Variants in ZSWIM9 observed in about 807,000 individuals in gnomAD.
ZSWIM9 encodes zinc finger SWIM-type containing 9, also known as uncharacterized protein ZSWIM9.
In ZSWIM9, 11 loss-of-function variants were observed where a neutral mutation model predicts 25.0. The observed-to-expected ratio is 0.44, with a 90% CI of 0.28 to 0.73. ZSWIM9 has a LOEUF of 0.73. ZSWIM9 is among the 30% of genes least tolerant of loss of function. The pLI is 0.16. For missense variants in ZSWIM9, 1,070 were observed against 1,296.5 expected (o/e 0.83, Z 2.68); for synonymous variants, 562 against 582.1 (o/e 0.97, Z 0.50).
chr19:48,191,628 A>G (rs2037095975), intron 3 of ZSWIM9, among the ~76,000 whole-genome samples: 1 of 152,186 alleles, frequency 6.6e-6, no homozygotes, highest in South Asian at 2.1e-4. Flanking sequence ...GTGTGAATGG[A>G]AAGTAGTAAA....
Position 48,196,415 on chromosome 19 carries a change from C to A in ZSWIM9, c.2351C>A (p.Ala784Glu). The stretch of plus-strand genomic sequence containing the variant: ...GAAGGCAGCCCAGAATGGGCAGCGG[C>A]GAGGAGTGAACACCTGGCTGCAGGT... ...VLEGSPEWAA[A>E]RSEHLAAGDG... The change falls in exon 4 of 4, where the codon GCG (alanine) becomes GAG (glutamate). Residue 784 changes from alanine (A) to glutamate (E), a missense_variant. This residue lies in a region of ZSWIM9 where 583 missense variants were observed against 624.7 expected (regional missense o/e 0.93). Transcript: ENST00000614654. 1 of 1,232,346 alleles carries A rather than the reference C, an allele frequency of 8.1e-7. No individual in the cohort carries two copies. Among genetic ancestry groups the A allele is most frequent in the Middle Eastern group, 3.1e-4 (1 of 3,212 alleles). 76.3% of individuals were successfully genotyped at this position (1,232,346 alleles called of 1,614,324 possible).
rs1454135359 is a variant in ZSWIM9, at chr19:48,197,133, G to C, written c.*306G>C. ...AGGGTCAGGCTGGGACAGAAGGAAGGAAAGGGGCAGAGCTGGGGGGAGGGG... is the reference window on the plus strand; with the variant it reads ...AGGGTCAGGCTGGGACAGAAGGAAGCAAAGGGGCAGAGCTGGGGGGAGGGG... On this transcript the variant is annotated 3_prime_UTR_variant, in exon 4 of 4. Coordinates refer to ENST00000614654, the MANE Select transcript of ZSWIM9 (RefSeq NM_199341.4). The C allele has an allele frequency of 1.5e-6, 1 of 678,718 alleles. No individual in the cohort carries two copies. Among genetic ancestry groups the C allele is most frequent in the African/African-American group, 1.8e-5 (1 of 56,118 alleles). The allele number at this position is 678,718 out of a possible 1,614,324, so 42.0% of individuals were successfully genotyped here.
At position 48,182,700 on chromosome 19, in the gene ZSWIM9, G is replaced by A. The variant is rs1245258232; in HGVS notation, c.521G>A (p.Arg174His). The change falls in exon 3 of 4, where the codon CGC becomes CAC. Residue 174 changes from arginine to histidine, a missense_variant. This residue lies in a region of ZSWIM9 where 265 missense variants were observed against 339.0 expected (regional missense o/e 0.78). Coordinates refer to ENST00000614654, the MANE Select transcript of ZSWIM9 (RefSeq NM_199341.4). This position sits in a 1 kb window ranked among gnomAD's most constrained non-coding sequence, Gnocchi z 4.6. ...CGCCTGCTGTCCTACTGCAAGGGCC[G>A]CGACCACGGCGTCCTGGACGCCCTG... The part of the protein sequence containing the change: ...VRRLLSYCKG[R>H]DHGVLDALHV... 2 of 1,535,532 alleles carry A rather than the reference G, an allele frequency of 1.3e-6. No homozygotes were observed. Among genetic ancestry groups the A allele is most frequent in the South Asian group, 1.2e-5 (1 of 83,998 alleles).
Position 48,197,049 on chromosome 19 carries a change from G to A in ZSWIM9, c.*222G>A. 1 of 549,640 alleles carries A rather than the reference G, an allele frequency of 1.8e-6. No homozygotes were observed. The highest frequency in any genetic ancestry group is 3.2e-6 in the Non-Finnish European group (1 of 312,744). 34.0% of individuals were successfully genotyped at this position (549,640 alleles called of 1,614,324 possible). On this transcript the variant is annotated 3_prime_UTR_variant, in exon 4 of 4. Coordinates refer to ENST00000614654, the MANE Select transcript of ZSWIM9 (RefSeq NM_199341.4). ...CCACAGCTTGGGAAGGTGTTGATGG[G>A]CAGGGTGGATTCTGAGGGCTTCCCT...
rs1451803660 is a variant in ZSWIM9, at chr19:48,182,854, C to A, written c.588+87C>A. 37 of 908,240 alleles carry A rather than the reference C, an allele frequency of 4.1e-5. No homozygotes were observed. In the East Asian group the frequency reaches 9.8e-4, roughly 24 times the overall value. 56.3% of individuals were successfully genotyped at this position (908,240 alleles called of 1,614,324 possible). ...TGGGTCATTCATGCCTTCATCCGCC[C>A]TCTCATCCCTTCACTCCTTTCCTCC... On this transcript the variant is annotated intron_variant, in intron 3 of 3. Coordinates refer to ENST00000614654, the MANE Select transcript of ZSWIM9 (RefSeq NM_199341.4). This position sits in a 1 kb window ranked among gnomAD's most constrained non-coding sequence, Gnocchi z 4.6.
At chr19:48,180,958 T>C (rs1428351340) in intron 2 of ZSWIM9, 1 of 144,734 alleles carries the variant, frequency 6.9e-6, no homozygotes, top group African/African-American at 2.7e-5. Flanking sequence ...TATATATATA[T>C]ATTTTTTTAG....
chr19:48,186,944 G>T (rs567317408), intron 3 of ZSWIM9, among the ~76,000 whole-genome samples: 1 of 152,144 alleles, frequency 6.6e-6, no homozygotes, highest in South Asian at 2.1e-4. Flanking sequence ...GGGGGTGGGG[G>T]AAGAGTAAGG....
At position 48,195,677 on chromosome 19, in the gene ZSWIM9, G is replaced by T. The variant is rs1297218097; in HGVS notation, c.1613G>T (p.Gly538Val). The T allele has an allele frequency of 1.4e-6, 2 of 1,444,558 alleles. No homozygotes were observed. Among genetic ancestry groups the T allele is most frequent in the Admixed American group, 2.7e-5 (1 of 36,536 alleles). The allele number at this position is 1,444,558 out of a possible 1,614,324, so 89.5% of individuals were successfully genotyped here. A position where few individuals can be genotyped will look rare whatever the true frequency, so the allele number is the denominator to read the frequency against. ...AATCAGAAGCCGAGGGGACTGGAAG[G>T]GGGTGTCTTGAGAGGGTCGAAGTTA... ...LENQKPRGLE[G>V]GVLRGSKLEK... The change falls in exon 4 of 4, where the codon GGG becomes GTG. Residue 538 changes from glycine (G) to valine (V), a missense_variant. Physicochemically the swap from Gly to Val is moderately radical, Grantham distance 109. Coordinates refer to ENST00000614654, the MANE Select transcript of ZSWIM9 (RefSeq NM_199341.4). The surrounding 1 kb of genome is among the most constrained non-coding windows in gnomAD (Gnocchi z 5.8).
At chr19:48,185,450 A>C (rs1599928949) in intron 3 of ZSWIM9, among the ~76,000 whole-genome samples, 1 of 152,290 alleles carries the variant, frequency 6.6e-6, no homozygotes, top group East Asian at 1.9e-4. Context: ...ATGCTCTTGA[A>C]AGAAAGGAGG....
chr19:48,196,809 G>GA lies in ZSWIM9; in HGVS notation c.2746dup (p.Arg916LysfsTer29). Reference sequence around the variant, plus strand: ...TGGACCTGCTCAGGGATTGCTGGGGGAGAGCCCCAGAGCCCTGACCCTTCA... The same window carrying GA: ...TGGACCTGCTCAGGGATTGCTGGGGGAAGAGCCCCAGAGCCCTGACCCTTCA... On this transcript the variant is annotated frameshift_variant, in exon 4 of 4. Transcript: ENST00000614654. LOFTEE classifies it high-confidence loss of function. 8.1e-7 allele frequency: 1 copy of GA among 1,236,360 alleles called. No homozygotes were observed. 76.6% of individuals were successfully genotyped at this position (1,236,360 alleles called of 1,614,324 possible).
Position 48,194,027 on chromosome 19 carries a change from A to G in ZSWIM9, c.589-626A>G, listed in dbSNP as rs572275074. On this transcript the variant is annotated intron_variant, in intron 3 of 3. Transcript: ENST00000614654. The surrounding 1 kb of genome is among the most constrained non-coding windows in gnomAD (Gnocchi z 6.0). ...GGGATAATCAGGGAATATGGAGGTT[A>G]AGGAGGCAACTGAGGCACAGAGAGG... Among the ~76,000 whole-genome samples, 1 of 152,298 alleles carries G rather than the reference A, an allele frequency of 6.6e-6. No individual in the cohort carries two copies. The highest frequency in any genetic ancestry group is 2.4e-5 in the African/African-American group (1 of 41,560).
chr19:48,171,112 G>A (rs1209299835), intron 1 of ZSWIM9: 3 of 403,968 alleles, frequency 7.4e-6, no homozygotes, highest in Non-Finnish European at 1.0e-5. Flanking sequence ...CTGCATGTGG[G>A]GAGTACATCT....
At position 48,194,922 on chromosome 19, in the gene ZSWIM9, G is replaced by A. The variant is rs1256198129; in HGVS notation, c.858G>A (p.Lys286=). 2 of 1,317,282 alleles carry A rather than the reference G, an allele frequency of 1.5e-6. No homozygotes were observed. The highest frequency in any genetic ancestry group is 1.9e-6 in the Non-Finnish European group (2 of 1,035,164). The allele number at this position is 1,317,282 out of a possible 1,614,324, so 81.6% of individuals were successfully genotyped here. ...ASLLQSAPDV[K]GRVRCLTAGP... ...TGCTGCAGAGCGCGCCAGACGTCAA[G>A]GGCCGCGTGCGCTGCCTCACCGCCG... is the stretch of plus-strand genomic sequence containing the variant. The change falls in exon 4 of 4, where the codon AAG becomes AAA. Residue 286 remains lysine (K), a synonymous_variant. Coordinates refer to ENST00000614654, the MANE Select transcript of ZSWIM9 (RefSeq NM_199341.4). This position sits in a 1 kb window ranked among gnomAD's most constrained non-coding sequence, Gnocchi z 6.0.
In ZSWIM9 at chr19:48,195,016, C is replaced by G; in HGVS notation, c.952C>G (p.Arg318Gly). 1.5e-6 allele frequency: 2 copies of G among 1,365,482 alleles called. No homozygotes were observed. Among genetic ancestry groups the G allele is most frequent in the Non-Finnish European group, 1.9e-6 (2 of 1,067,172 alleles). The allele number at this position is 1,365,482 out of a possible 1,614,324, so 84.6% of individuals were successfully genotyped here. Reference protein sequence around the residue: ...LLPCARVQICRAQGLETLFSK... With the variant: ...LLPCARVQICGAQGLETLFSK... ...GCCCTGCGCGCGCGTGCAGATCTGC[C>G]GCGCGCAGGGCCTGGAGACGCTCTT... is the stretch of plus-strand genomic sequence containing the variant. The change falls in exon 4 of 4, where the codon CGC becomes GGC. Residue 318 changes from arginine (R) to glycine (G), a missense_variant. Arg to Gly is a moderately radical substitution (Grantham distance 125). Around this residue, in one of 4 missense-constraint regions of ZSWIM9, gnomAD observed 184 missense variants for 243.1 expected, o/e 0.76. Coordinates refer to ENST00000614654, the MANE Select transcript of ZSWIM9 (RefSeq NM_199341.4). This position sits in a 1 kb window ranked among gnomAD's most constrained non-coding sequence, Gnocchi z 5.8.
intron 1 of ZSWIM9, chr19:48,171,510 C>A: frequency 2.1e-6 from 1 of 485,536 alleles, no homozygotes; most frequent in Non-Finnish European, 2.7e-6. Context: ...AGGAGAGATT[C>A]CAACTGTACC....
Position 48,196,727 on chromosome 19 carries a change from T to C in ZSWIM9, c.2663T>C (p.Leu888Pro). The change falls in exon 4 of 4, where the codon CTG becomes CCG. Residue 888 changes from leucine to proline, a missense_variant. By Grantham distance (98) the Leu-to-Pro change is moderately conservative (BLOSUM62 -3). Transcript: ENST00000614654. ...CSCSIHAARR[L>P]PCRHLFAARL... ...TGCTCAATTCACGCCGCCCGCCGTC[T>C]GCCCTGCAGACACCTCTTTGCAGCG... 2 of 1,232,896 alleles carry C rather than the reference T, an allele frequency of 1.6e-6. No individual in the cohort carries two copies. Among genetic ancestry groups the C allele is most frequent in the African/African-American group, 3.1e-5 (2 of 64,544 alleles). The allele number at this position is 1,232,896 out of a possible 1,614,324, so 76.4% of individuals were successfully genotyped here.
Position 48,182,537 on chromosome 19 carries a change from C to T in ZSWIM9, c.358C>T (p.Leu120=), listed in dbSNP as rs772669369. The stretch of plus-strand genomic sequence containing the variant: ...CCGCCTCGTGGTGACGGAGTGCCAG[C>T]TGACCCACTCACACCCGGCCTGCCC... ...RDRLVVTECQ[L]THSHPACPLE... Residue 120 remains leucine (L), a synonymous_variant, in exon 3 of 4, where the codon CTG becomes TTG. Coordinates refer to ENST00000614654, the MANE Select transcript of ZSWIM9 (RefSeq NM_199341.4). The surrounding 1 kb of genome is among the most constrained non-coding windows in gnomAD (Gnocchi z 4.6). 23 of 1,535,808 alleles carry T rather than the reference C, an allele frequency of 1.5e-5. No homozygotes were observed. Among genetic ancestry groups the T allele is most frequent in the Non-Finnish European group, 1.9e-5 (22 of 1,146,776 alleles).
chr19:48,192,520 T>G (rs1457485542), intron 3 of ZSWIM9, among the ~76,000 whole-genome samples: 1 of 95,668 alleles, frequency 1.0e-5, no homozygotes, highest in Non-Finnish European at 2.1e-5. Context: ...CACACACACA[T>G]TTACATAGCC....
At chr19:48,187,849 G>C (rs796654207) in intron 3 of ZSWIM9, 1 of 150,238 alleles carries the variant, frequency 6.7e-6, no homozygotes, top group Non-Finnish European at 1.5e-5. Flanking sequence ...GCTGAGGCAC[G>C]AGGGTTGCTT....
Sources: allele counts gnomAD v4.1 joint callset (sites outside exome capture counted in the v4.1 genomes callset), GRCh38; gene constraint gnomAD v4.1.1; regional missense constraint gnomAD v4.1.1; non-coding constraint Gnocchi (gnomAD v3.1); transcripts MANE v1.5; gene names NCBI Gene and HGNC (gene_info 2026-07-23, HGNC 2026-07-21).